The following CELF2 variants were observed in gnomAD, a reference collection of about 807,000 sequenced individuals.
CELF2 encodes CUG triplet repeat RNA-binding protein 2.
Under a neutral mutation model 62.6 loss-of-function variants are expected in CELF2, and 8 were observed. The observed-to-expected ratio is 0.13, with a 90% CI of 0.07 to 0.23. CELF2 has a LOEUF of 0.23. Among genes scored for constraint, CELF2 ranks in the 10% least tolerant of loss-of-function variants. CELF2 has a pLI of 1.00. For synonymous variants in CELF2, 258 were observed against 250.0 expected (o/e 1.03, Z -0.30); for missense variants, 333 against 671.0 (o/e 0.50, Z 5.56).
intron 2 of CELF2, among the ~76,000 whole-genome samples, chr10:10,952,891 C>T (rs564279100): frequency 2.0e-5 from 3 of 152,126 alleles, no homozygotes; most frequent in African/African-American, 7.2e-5. Context: ...TCATTCCTCC[C>T]GTAATCAGGC....
chr10:11,051,849 T>G (rs1291461507), intron 1 of CELF2, among the ~76,000 whole-genome samples: 1 of 152,100 alleles, frequency 6.6e-6, no homozygotes, highest in Non-Finnish European at 1.5e-5. Flanking sequence ...CTTAACTGCT[T>G]CCTAGACTTT....
At chr10:10,745,113 TA>T in the CELF2 span, among the ~76,000 whole-genome samples, 4,594 of 128,110 alleles carry the variant, frequency 0.036, 234 homozygotes, top group African/African-American at 0.11. Context: ...CCATGCCACG[TA>T]AAAAAAAAAA....
chr10:11,249,760 C>T (rs1014575305), intron 4 of CELF2, among the ~76,000 whole-genome samples: 1 of 152,178 alleles, frequency 6.6e-6, no homozygotes, highest in Non-Finnish European at 1.5e-5. Context: ...CAAAAATCTG[C>T]ATTTGATGAG....
At position 11,237,615 on chromosome 10, in the gene CELF2, A is replaced by T. The variant is rs2071974218; in HGVS notation, c.355-11538A>T. ...GCTTCAGCCCCACTAGCATCTCCAC[A>T]CTGGGTGAGGGTTACAAGGGAGGCT... On this transcript the variant is annotated intron_variant, in intron 3 of 12. Coordinates refer to ENST00000633077, the MANE Select transcript of CELF2 (RefSeq NM_001326342.2). This position sits in a 1 kb window ranked among gnomAD's most constrained non-coding sequence, Gnocchi z 4.0. 1.3e-5 allele frequency among the ~76,000 whole-genome samples: 2 copies of T among 152,178 alleles called. No individual in the cohort carries two copies. Among genetic ancestry groups the T allele is most frequent in the Non-Finnish European group, 2.9e-5 (2 of 68,020 alleles).
At chr10:10,770,478 G>T in the CELF2 span, among the ~76,000 whole-genome samples, 1 of 152,056 alleles carries the variant, frequency 6.6e-6, no homozygotes, top group African/African-American at 2.4e-5. Context: ...AGAGGGTTCA[G>T]GCCAGCAGAA....
At chr10:11,195,320 G>A (rs2057172018) in intron 2 of CELF2, among the ~76,000 whole-genome samples, 2 of 152,210 alleles carry the variant, frequency 1.3e-5, no homozygotes, top group South Asian at 4.1e-4. Context: ...ACCAAGAGGA[G>A]GTTTAGTGTG....
Position 11,039,706 on chromosome 10 carries a change from A to G in CELF2, c.74+21543A>G, listed in dbSNP as rs1443896618. 6.6e-6 allele frequency among the ~76,000 whole-genome samples: 1 copy of G among 152,260 alleles called. No individual in the cohort carries two copies. The highest frequency in any genetic ancestry group is 1.9e-4 in the East Asian group (1 of 5,202). ...TAATTTTGATCATTGAACCAGGAAC[A>G]TTATGTACCAGTTTTTAAGGCTAGT... On this transcript the variant is annotated intron_variant, in intron 1 of 12. Coordinates refer to ENST00000633077, the MANE Select transcript of CELF2 (RefSeq NM_001326342.2). The surrounding 1 kb of genome is among the most constrained non-coding windows in gnomAD (Gnocchi z 4.1).
At position 11,280,304 on chromosome 10, in the gene CELF2, G is replaced by T. The variant is rs74115815; in HGVS notation, c.841+5184G>T. On this transcript the variant is annotated intron_variant, in intron 8 of 12. Coordinates refer to ENST00000633077, the MANE Select transcript of CELF2 (RefSeq NM_001326342.2). The surrounding 1 kb of genome is among the most constrained non-coding windows in gnomAD (Gnocchi z 7.6). The stretch of plus-strand genomic sequence containing the variant: ...CCGCGCCCCATCCAGGAGCAGGCCT[G>T]CGCCTGACACCTGTGCCCGAGAAGC... Among the ~76,000 whole-genome samples the T allele has an allele frequency of 4.4e-3, 669 of 152,334 alleles. 5 individuals carry two copies. The highest frequency in any genetic ancestry group is 0.016 in the African/African-American group (648 of 41,568).
At chr10:10,510,706 A>G in the CELF2 span, among the ~76,000 whole-genome samples, 3 of 152,240 alleles carry the variant, frequency 2.0e-5, no homozygotes, top group Admixed American at 2.0e-4. Flanking sequence ...ATAATTTAGT[A>G]TCAGATAATG....
At chr10:10,588,614 A>G in the CELF2 span, among the ~76,000 whole-genome samples, 3 of 152,216 alleles carry the variant, frequency 2.0e-5, no homozygotes, top group Non-Finnish European at 4.4e-5. Context: ...GAGGGATTGT[A>G]GATGACTCAA....
At chr10:10,629,476 G>A in the CELF2 span, among the ~76,000 whole-genome samples, 1 of 152,176 alleles carries the variant, frequency 6.6e-6, no homozygotes, top group African/African-American at 2.4e-5. Flanking sequence ...TAGAAAATTT[G>A]CAAACTATTT....
Position 11,165,423 on chromosome 10 carries a change from A to ATTTTTT in CELF2, c.75-62_75-57dup. The ATTTTTT allele has an allele frequency of 6.6e-7, 1 of 1,524,082 alleles. No homozygotes were observed. Among genetic ancestry groups the ATTTTTT allele is most frequent in the Admixed American group, 2.0e-5 (1 of 50,476 alleles). 94.4% of individuals were successfully genotyped at this position (1,524,082 alleles called of 1,614,324 possible). On this transcript the variant is annotated intron_variant, in intron 1 of 12. Coordinates refer to ENST00000633077, the MANE Select transcript of CELF2 (RefSeq NM_001326342.2). The surrounding 1 kb of genome is among the most constrained non-coding windows in gnomAD (Gnocchi z 7.4). ...GCCTCCCCGCTCCCCCACCCCCACTATTTTTTCTTCCTGTCCCTCATCGTG... is the reference window on the plus strand; with the variant it reads ...GCCTCCCCGCTCCCCCACCCCCACTATTTTTTTTTTTTCTTCCTGTCCCTCATCGTG...
chr10:11,062,856 T>G (rs1291843), intron 1 of CELF2, among the ~76,000 whole-genome samples: 103,862 of 151,932 alleles, frequency 0.68, 37,134 homozygotes, highest in African/African-American at 0.9. Context: ...ATGGGATGCT[T>G]CAGAAAAATT....
At chr10:10,562,050 C>T in the CELF2 span, among the ~76,000 whole-genome samples, 21 of 152,320 alleles carry the variant, frequency 1.4e-4, no homozygotes, top group Middle Eastern at 3.4e-3. Context: ...AAGGCTCCAA[C>T]CCTACCAAGG....
At chr10:10,748,890 A>G in the CELF2 span, among the ~76,000 whole-genome samples, 1 of 152,002 alleles carries the variant, frequency 6.6e-6, no homozygotes, top group Non-Finnish European at 1.5e-5. Flanking sequence ...GATGTGGGTG[A>G]ATTGGAAGCA....
intron 1 of CELF2, among the ~76,000 whole-genome samples, chr10:11,163,746 AG>A (rs1263764813): frequency 6.6e-6 from 1 of 152,262 alleles, no homozygotes; most frequent in Non-Finnish European, 1.5e-5. Flanking sequence ...ACGAAGAAGT[AG>A]AAATTGAAAC....
chr10:11,251,921 A>T (rs1471686382), intron 4 of CELF2, among the ~76,000 whole-genome samples: 1 of 152,234 alleles, frequency 6.6e-6, no homozygotes, highest in African/African-American at 2.4e-5. Flanking sequence ...TGGGCTGTTT[A>T]TACCGAAGCA....
chr10:10,558,286 A>T, the CELF2 span, among the ~76,000 whole-genome samples: 2 of 151,942 alleles, frequency 1.3e-5, no homozygotes, highest in African/African-American at 4.8e-5. Context: ...GCATCTATTG[A>T]GATAATCATG....
At position 11,270,860 on chromosome 10, in the gene CELF2, G is replaced by C. The variant is rs201709677; in HGVS notation, c.777+36G>C. On this transcript the variant is annotated intron_variant, in intron 7 of 12. Transcript: ENST00000633077. The surrounding 1 kb of genome is among the most constrained non-coding windows in gnomAD (Gnocchi z 5.8). ...GGCAATGCCGGCGTGGTCTTCACCCGCTGAAACTCTGCAAACTGACTTTTC... is the reference window on the plus strand; with the variant it reads ...GGCAATGCCGGCGTGGTCTTCACCCCCTGAAACTCTGCAAACTGACTTTTC... 6.0e-6 allele frequency: 8 copies of C among 1,339,420 alleles called. No homozygotes were observed. The highest frequency in any genetic ancestry group is 7.7e-6 in the Non-Finnish European group (8 of 1,033,172). The allele number at this position is 1,339,420 out of a possible 1,614,324, so 83.0% of individuals were successfully genotyped here. A position where few individuals can be genotyped will look rare whatever the true frequency, so the allele number is the denominator to read the frequency against.
Sources: allele counts gnomAD v4.1 joint callset (sites outside exome capture counted in the v4.1 genomes callset), GRCh38; gene constraint gnomAD v4.1.1; non-coding constraint Gnocchi (gnomAD v3.1); transcripts MANE v1.5; gene names NCBI Gene and HGNC (gene_info 2026-07-23, HGNC 2026-07-21).